Variants in LGSN observed in about 807,000 individuals in gnomAD.
The protein encoded by LGSN is lengsin.
Under a neutral mutation model 19.5 loss-of-function variants are expected in LGSN, and 21 were observed. The observed-to-expected ratio is 1.07, with a 90% CI of 0.76 to 1.55. The LOEUF (loss-of-function observed/expected upper bound fraction) is 1.55. Ranked by LOEUF, LGSN falls within the 40% of genes most tolerant of loss-of-function variation. LGSN has a pLI of 0.00. For missense variants in LGSN, 673 were observed against 608.5 expected (o/e 1.11, Z -1.12); for synonymous variants, 257 against 215.6 (o/e 1.19, Z -1.68).
At chr6:63,549,566 G>GT in the LGSN span, 62,129 of 429,348 alleles carry the variant, frequency 0.14, 10 homozygotes, top group Middle Eastern at 0.18. Context: ...AAGATTTGAA[G>GT]TTTTTTTTTT....
the LGSN span, among the ~76,000 whole-genome samples, chr6:63,334,242 T>A: frequency 1.3e-5 from 2 of 152,022 alleles, no homozygotes; most frequent in African/African-American, 4.8e-5. Context: ...ACAAAAAAAA[T>A]TCAAAAATGA....
the LGSN span, among the ~76,000 whole-genome samples, chr6:63,362,468 G>A: frequency 6.6e-6 from 1 of 152,196 alleles, no homozygotes; most frequent in Non-Finnish European, 1.5e-5. Flanking sequence ...ATGACAGATG[G>A]TACCTGGAAA....
chr6:63,542,396 C>T, the LGSN span, among the ~76,000 whole-genome samples: 2 of 151,968 alleles, frequency 1.3e-5, no homozygotes, highest in Non-Finnish European at 2.9e-5. Context: ...TGTAACCAAA[C>T]ACCACCTGTT....
chr6:63,512,266 A>G, the LGSN span, among the ~76,000 whole-genome samples: 1 of 152,050 alleles, frequency 6.6e-6, no homozygotes. Flanking sequence ...TATTTTTATT[A>G]GAGGCAGGGT....
chr6:63,314,187 A>C (rs1380020682), intron 1 of LGSN, among the ~76,000 whole-genome samples: 2 of 152,176 alleles, frequency 1.3e-5, no homozygotes, highest in Non-Finnish European at 2.9e-5. Flanking sequence ...AGAGCCTTCG[A>C]GAGGTGATTA....
the LGSN span, among the ~76,000 whole-genome samples, chr6:63,376,185 G>A: frequency 6.6e-6 from 1 of 151,862 alleles, no homozygotes; most frequent in Non-Finnish European, 1.5e-5. Flanking sequence ...TCTGTGTTTT[G>A]TCTCTCTAAC....
the LGSN span, among the ~76,000 whole-genome samples, chr6:63,496,826 T>C: frequency 1.3e-5 from 2 of 151,914 alleles, no homozygotes; most frequent in Non-Finnish European, 2.9e-5. Context: ...TGCAAATAGA[T>C]AAATAATTTA....
chr6:63,549,014 C>A, the LGSN span: 1 of 728,208 alleles, frequency 1.4e-6, no homozygotes, highest in South Asian at 1.4e-5. Context: ...AGACAACCAG[C>A]TCGATGGGAT....
At chr6:63,434,009 G>C in the LGSN span, among the ~76,000 whole-genome samples, 1 of 152,166 alleles carries the variant, frequency 6.6e-6, no homozygotes, top group African/African-American at 2.4e-5. Context: ...AGTGTTAAGA[G>C]AAACAAAGGC....
the LGSN span, among the ~76,000 whole-genome samples, chr6:63,443,851 C>A: frequency 6.6e-6 from 1 of 151,498 alleles, no homozygotes; most frequent in Admixed American, 6.6e-5. Context: ...GAAAACATAG[C>A]CATTTCTAGT....
the LGSN span, among the ~76,000 whole-genome samples, chr6:63,530,627 T>C: frequency 6.6e-6 from 1 of 151,890 alleles, no homozygotes; most frequent in South Asian, 2.1e-4. Flanking sequence ...TAGGGAATAA[T>C]AGAAAAAAAG....
chr6:63,473,389 G>A, the LGSN span, among the ~76,000 whole-genome samples: 6 of 142,316 alleles, frequency 4.2e-5, no homozygotes, highest in African/African-American at 1.3e-4. Flanking sequence ...CACTAGAATA[G>A]CCTGAACCCA....
the LGSN span, among the ~76,000 whole-genome samples, chr6:63,424,942 A>G: frequency 6.8e-6 from 1 of 147,310 alleles, no homozygotes; most frequent in African/African-American, 2.4e-5. Context: ...AAAATTCACC[A>G]GTAGAAAAAT....
the LGSN span, among the ~76,000 whole-genome samples, chr6:63,394,615 C>T: frequency 6.6e-6 from 1 of 152,242 alleles, no homozygotes; most frequent in East Asian, 1.9e-4. Flanking sequence ...GGCTGCTCTG[C>T]CTTTGGCGTA....
At chr6:63,300,754 A>G (rs1227393102) in intron 1 of LGSN, among the ~76,000 whole-genome samples, 2 of 151,884 alleles carry the variant, frequency 1.3e-5, no homozygotes, top group African/African-American at 4.9e-5. Context: ...ATATTGAAGT[A>G]TTAATTATTA....
chr6:63,500,520 C>T, the LGSN span, among the ~76,000 whole-genome samples: 2 of 151,924 alleles, frequency 1.3e-5, no homozygotes, highest in Non-Finnish European at 2.9e-5. Context: ...TTCCTGGGTT[C>T]AAGTGATTCT....
the LGSN span, among the ~76,000 whole-genome samples, chr6:63,398,564 C>A: frequency 1.3e-5 from 2 of 151,668 alleles, no homozygotes; most frequent in African/African-American, 4.8e-5. Flanking sequence ...AGCATTATTA[C>A]AAAAGAGTAA....
At chr6:63,529,438 C>G in the LGSN span, among the ~76,000 whole-genome samples, 3 of 151,998 alleles carry the variant, frequency 2.0e-5, no homozygotes, top group African/African-American at 7.2e-5. Flanking sequence ...AAATAATTGT[C>G]CAGATTACTT....
the LGSN span, among the ~76,000 whole-genome samples, chr6:63,336,564 T>TATAC: frequency 6.7e-6 from 1 of 148,278 alleles, no homozygotes; most frequent in Non-Finnish European, 1.5e-5. Flanking sequence ...TGTGTGTGTA[T>TATAC]ATATATATAT....
Sources: allele counts gnomAD v4.1 joint callset (sites outside exome capture counted in the v4.1 genomes callset), GRCh38; gene constraint gnomAD v4.1.1; transcripts MANE v1.5; gene names NCBI Gene and HGNC (gene_info 2026-07-23, HGNC 2026-07-21).